The following IL1RAPL1 variants were observed in gnomAD, a reference collection of about 807,000 sequenced individuals.
IL1RAPL1 encodes the protein interleukin 1 receptor accessory protein like 1.
A neutral mutation model predicts 48.4 loss-of-function variants in IL1RAPL1; 3 were observed. The ratio of observed to expected loss-of-function variants is 0.06; its 90% CI spans 0.03 to 0.16. The LOEUF is 0.16. Ranked by LOEUF, IL1RAPL1 falls within the 10% of genes least tolerant of loss-of-function variation. The pLI, the probability that IL1RAPL1 is intolerant of heterozygous loss-of-function variation, is 1.00. For synonymous variants in IL1RAPL1, 185 were observed against 187.7 expected (o/e 0.99, Z 0.12); for missense variants, 349 against 530.6 (o/e 0.66, Z 3.36).
chrX:29,203,890 C>T (rs73631640), intron 2 of IL1RAPL1, among the ~76,000 whole-genome samples: 12,472 of 108,002 alleles, frequency 0.12, 794 homozygotes, highest in African/African-American at 0.23. Flanking sequence ...TGGCAGCAAA[C>T]ATTCTACTCT....
intron 6 of IL1RAPL1, among the ~76,000 whole-genome samples, chrX:29,687,315 C>T (rs1454485006): frequency 8.9e-6 from 1 of 112,071 alleles, no homozygotes; most frequent in Non-Finnish European, 1.9e-5. Context: ...AAATACTATT[C>T]CATCATGAAA....
intron 2 of IL1RAPL1, among the ~76,000 whole-genome samples, chrX:29,192,803 G>A (rs780566289): frequency 1.5e-3 from 170 of 111,322 alleles, no homozygotes; most frequent in Non-Finnish European, 2.3e-3. Context: ...TATGTGGCGT[G>A]TGTGAATATA....
intron 6 of IL1RAPL1, among the ~76,000 whole-genome samples, chrX:29,803,875 A>G (rs1312950971): frequency 9.0e-6 from 1 of 110,578 alleles, no homozygotes; most frequent in African/African-American, 3.3e-5. Context: ...AGAGGAAGCT[A>G]AAGAAAGAAC....
chrX:28,604,509 A>G (rs907431200), intron 1 of IL1RAPL1, among the ~76,000 whole-genome samples: 2 of 110,552 alleles, frequency 1.8e-5, no homozygotes, highest in African/African-American at 6.6e-5. Context: ...CGGGTGGATC[A>G]CGAGGTCAAG....
chrX:29,775,389 G>A (rs756869332), intron 6 of IL1RAPL1, among the ~76,000 whole-genome samples: 2 of 111,806 alleles, frequency 1.8e-5, no homozygotes, highest in South Asian at 7.5e-4. Context: ...GTAGTTACTT[G>A]TGAGAAGCAA....
At chrX:29,027,961 A>G (rs1416671498) in intron 2 of IL1RAPL1, among the ~76,000 whole-genome samples, 1 of 109,537 alleles carries the variant, frequency 9.1e-6, no homozygotes, top group Non-Finnish European at 1.9e-5. Flanking sequence ...TATTATATAT[A>G]TATAAATGTA....
intron 3 of IL1RAPL1, among the ~76,000 whole-genome samples, chrX:29,289,669 A>G (rs890747323): frequency 1.8e-5 from 2 of 112,375 alleles, no homozygotes; most frequent in South Asian, 3.6e-4. Context: ...AGGAGAATTG[A>G]TATCTTTACC....
At chrX:28,724,000 A>T (rs920500650) in intron 1 of IL1RAPL1, among the ~76,000 whole-genome samples, 4 of 111,157 alleles carry the variant, frequency 3.6e-5, no homozygotes, top group African/African-American at 6.5e-5. Flanking sequence ...TGCTGAGGAG[A>T]GCTTTACTTC....
intron 2 of IL1RAPL1, among the ~76,000 whole-genome samples, chrX:29,006,922 AG>A (rs1426781320): frequency 5.4e-5 from 6 of 110,936 alleles, no homozygotes; most frequent in Non-Finnish European, 1.1e-4. Context: ...TTTGGGAGGC[AG>A]TTTTAAAAGA....
intron 5 of IL1RAPL1, among the ~76,000 whole-genome samples, chrX:29,431,530 C>T (rs1934422632): frequency 8.9e-6 from 1 of 111,743 alleles, no homozygotes; most frequent in Non-Finnish European, 1.9e-5. Context: ...ATTCGATTAT[C>T]CGCTTGTAAT....
rs555745034 is a variant in IL1RAPL1, at chrX:29,202,830, A to G, written c.83-80108A>G. Among the ~76,000 whole-genome samples, 15 of 111,622 alleles carry G rather than the reference A, an allele frequency of 1.3e-4. No individual in the cohort carries two copies. The South Asian group carries it at 5.8e-3, about 43-fold the overall frequency. On this transcript the variant is annotated intron_variant, in intron 2 of 10. Coordinates refer to ENST00000378993, the MANE Select transcript of IL1RAPL1 (RefSeq NM_014271.4). ...CATTCAGTACATGTGGAAAGAAAGA[A>G]GGGGACAACGGATGCCAAGGCCTAC...
At chrX:29,640,876 C>G (rs934073698) in intron 5 of IL1RAPL1, among the ~76,000 whole-genome samples, 5 of 112,096 alleles carry the variant, frequency 4.5e-5, no homozygotes, top group Non-Finnish European at 9.4e-5. Flanking sequence ...GCTTAGAAAT[C>G]ACCAGCGGCC....
chrX:29,251,964 A>G (rs1931627404), intron 2 of IL1RAPL1, among the ~76,000 whole-genome samples: 1 of 110,233 alleles, frequency 9.1e-6, no homozygotes, highest in Non-Finnish European at 1.9e-5. Context: ...TGTCCTTTGT[A>G]GGGACATGGA....
intron 1 of IL1RAPL1, among the ~76,000 whole-genome samples, chrX:28,678,977 G>A (rs1463767586): frequency 8.9e-6 from 1 of 111,763 alleles, no homozygotes; most frequent in Non-Finnish European, 1.9e-5. Context: ...GGATCATATG[G>A]TAGTTTTATT....
intron 6 of IL1RAPL1, among the ~76,000 whole-genome samples, chrX:29,916,983 G>A (rs1302288711): frequency 8.9e-6 from 1 of 111,823 alleles, no homozygotes; most frequent in African/African-American, 3.3e-5. Context: ...CATTCTCTTA[G>A]GATCTTGCGT....
At chrX:29,286,720 A>G (rs1423493000) in intron 3 of IL1RAPL1, among the ~76,000 whole-genome samples, 1 of 111,607 alleles carries the variant, frequency 9.0e-6, no homozygotes, top group Non-Finnish European at 1.9e-5. Context: ...ATAAAATAAT[A>G]GTTCCGTATT....
At chrX:29,180,845 T>C (rs1366080575) in intron 2 of IL1RAPL1, among the ~76,000 whole-genome samples, 1 of 111,757 alleles carries the variant, frequency 8.9e-6, no homozygotes, top group Non-Finnish European at 1.9e-5. Flanking sequence ...ACAGTGACGT[T>C]TTAGATTCCT....
intron 2 of IL1RAPL1, among the ~76,000 whole-genome samples, chrX:29,059,047 CTT>C (rs1927284889): frequency 8.9e-6 from 1 of 112,183 alleles, no homozygotes; most frequent in Admixed American, 9.5e-5. Context: ...AGAGCAGAAA[CTT>C]TGCTTGTGAA....
chrX:29,391,149 G>T, intron 3 of IL1RAPL1, among the ~76,000 whole-genome samples: 1 of 108,083 alleles, frequency 9.3e-6, no homozygotes, highest in East Asian at 2.9e-4. Context: ...ACTCCAGCCT[G>T]GGCAACAAGA....
Sources: gnomAD v4.1 joint callset for allele counts (sites outside exome capture counted in the v4.1 genomes callset) on GRCh38, gnomAD v4.1.1 for gene constraint, MANE v1.5 for transcripts, NCBI Gene and HGNC (gene_info 2026-07-23, HGNC 2026-07-21) for gene names.